The following COMMD6 variants were observed in gnomAD, a reference collection of about 807,000 sequenced individuals.
COMMD6 encodes COMM domain-containing protein 6.
COMMD6 carries 11 observed loss-of-function variants against 13.4 expected under a neutral mutation model. The observed-to-expected ratio is 0.82, with a 90% CI of 0.52 to 1.36. The LOEUF (loss-of-function observed/expected upper bound fraction) is 1.36, where lower values mean the gene tolerates loss of function less well. Among genes scored for constraint, COMMD6 ranks in the 40% most tolerant of loss-of-function variants. The probability of loss-of-function intolerance (pLI) is 0.00; values close to 1 mark genes in which losing one functional copy is unlikely to be tolerated. For missense variants in COMMD6, 124 were observed against 102.4 expected (o/e 1.21, Z -0.91); for synonymous variants, 43 against 36.5 (o/e 1.18, Z -0.64).
chr13:75,547,235 T>C (rs1240753263), intron 1 of COMMD6, among the ~76,000 whole-genome samples: 2 of 151,906 alleles, frequency 1.3e-5, no homozygotes, highest in Middle Eastern at 3.2e-3. Flanking sequence ...AAATAGACCA[T>C]CAAGAGGACT....
chr13:75,549,290 C>T (rs2030980089), intron 1 of COMMD6: 1 of 156,416 alleles, frequency 6.4e-6, no homozygotes, highest in Admixed American at 6.5e-5. Context: ...GCCAACCCAT[C>T]ACTCCTGCAC....
upstream of COMMD6, among the ~76,000 whole-genome samples, chr13:75,543,642 T>A (rs1168348388): frequency 6.6e-6 from 1 of 152,248 alleles, no homozygotes; most frequent in Non-Finnish European, 1.5e-5. Context: ...TGTGATATCA[T>A]TCAAGTTGGC....
At chr13:75,529,344 C>T (rs943317245) in intron 3 of COMMD6, among the ~76,000 whole-genome samples, 1 of 151,994 alleles carries the variant, frequency 6.6e-6, no homozygotes, top group African/African-American at 2.4e-5. Flanking sequence ...CATGGTGAAA[C>T]CCCATCTCTA....
At chr13:75,538,681 ATTCTC>A (rs1480068756), upstream of COMMD6, 1 of 152,202 alleles carries the variant, frequency 6.6e-6, no homozygotes, top group African/African-American at 2.4e-5. Flanking sequence ...ATAAAATACT[ATTCTC>A]TAATAAATAA....
At chr13:75,536,748 T>G (rs2030675798) in intron 2 of COMMD6, among the ~76,000 whole-genome samples, 1 of 152,198 alleles carries the variant, frequency 6.6e-6, no homozygotes, top group Non-Finnish European at 1.5e-5. Context: ...CCTCCAGAAC[T>G]ATAAGATAAT....
chr13:75,534,860 CTA>C (rs140113456), intron 2 of COMMD6, among the ~76,000 whole-genome samples: 8 of 152,106 alleles, frequency 5.3e-5, no homozygotes, highest in Non-Finnish European at 8.8e-5. Context: ...CTGGTAATTC[CTA>C]TGTGTTTTGA....
At chr13:75,540,677 A>T (rs2030814350), upstream of COMMD6, among the ~76,000 whole-genome samples, 2 of 152,248 alleles carry the variant, frequency 1.3e-5, no homozygotes, top group African/African-American at 4.8e-5. Context: ...TGGAAAATAC[A>T]GATGTTATCA....
chr13:75,530,027 A>G, intron 3 of COMMD6, 87 bp downstream of exon 3: 1 of 1,061,344 alleles, frequency 9.4e-7, no homozygotes, highest in Admixed American at 2.2e-5. Flanking sequence ...AAACCATTAA[A>G]GTTTTCCCGT....
chr13:75,537,372 T>C (rs1339006225), intron 2 of COMMD6: 1 of 1,550,914 alleles, frequency 6.4e-7, no homozygotes, highest in Admixed American at 2.0e-5. Context: ...TATCCAACAC[T>C]TTAAAATACC....
chr13:75,533,052 A>T (rs964244339), intron 2 of COMMD6, among the ~76,000 whole-genome samples: 10 of 149,682 alleles, frequency 6.7e-5, no homozygotes, highest in African/African-American at 2.5e-4. Flanking sequence ...TGCCTCAGCC[A>T]CCCGAGTAGC....
chr13:75,544,878 A>T (rs1188177424), intron 1 of COMMD6, among the ~76,000 whole-genome samples: 1 of 142,642 alleles, frequency 7.0e-6, no homozygotes, highest in East Asian at 2.2e-4. Flanking sequence ...ATGAGCCAAG[A>T]TCGCTCCATT....
intron 2 of COMMD6, among the ~76,000 whole-genome samples, chr13:75,535,238 C>T (rs1475956660): frequency 6.6e-6 from 1 of 152,142 alleles, no homozygotes; most frequent in African/African-American, 2.4e-5. Flanking sequence ...GGGGCATGAG[C>T]TAGGAAGAGT....
chr13:75,546,968 C>A (rs1277190633), intron 1 of COMMD6, among the ~76,000 whole-genome samples: 1 of 151,894 alleles, frequency 6.6e-6, no homozygotes, highest in Non-Finnish European at 1.5e-5. Context: ...CAATACATAA[C>A]CTTGTTTTAT....
chr13:75,544,940 A>C (rs1357774534), intron 1 of COMMD6, among the ~76,000 whole-genome samples: 3 of 151,098 alleles, frequency 2.0e-5, no homozygotes, highest in Non-Finnish European at 4.4e-5. Context: ...AAAAAAAAAA[A>C]AACAAAAAAC....
chr13:75,528,061 A>G (rs776674512), intron 3 of COMMD6, among the ~76,000 whole-genome samples: 1 of 152,010 alleles, frequency 6.6e-6, no homozygotes, highest in Non-Finnish European at 1.5e-5. Context: ...TCCAAAAAAA[A>G]AAAAGGTAAC....
chr13:75,542,253 C>G (rs2030836745), upstream of COMMD6, among the ~76,000 whole-genome samples: 3 of 151,350 alleles, frequency 2.0e-5, no homozygotes, highest in African/African-American at 7.3e-5. Flanking sequence ...ATGGCCTTCC[C>G]CAGCTCTATT....
upstream of COMMD6, chr13:75,537,924 A>G: frequency 9.8e-7 from 1 of 1,017,144 alleles, no homozygotes; most frequent in Non-Finnish European, 1.4e-6. Context: ...GGGGAAGCTG[A>G]AAAAAGCATC....
intron 2 of COMMD6, chr13:75,537,352 C>G: frequency 6.4e-7 from 1 of 1,550,652 alleles, no homozygotes; most frequent in Non-Finnish European, 8.7e-7. Flanking sequence ...GCAAATTTTC[C>G]TAACTTCTTT....
intron 1 of COMMD6, among the ~76,000 whole-genome samples, chr13:75,545,609 C>T (rs928575875): frequency 6.6e-6 from 1 of 151,996 alleles, no homozygotes; most frequent in Admixed American, 6.6e-5. Context: ...AGTAATGGGA[C>T]TACAGACGCC....
Sources: allele counts gnomAD v4.1 joint callset (sites outside exome capture counted in the v4.1 genomes callset), GRCh38; gene constraint gnomAD v4.1.1; transcripts MANE v1.5; gene names NCBI Gene and HGNC (gene_info 2026-07-23, HGNC 2026-07-21).